Variants in IL36G observed in about 807,000 individuals in gnomAD.
IL36G encodes interleukin-36 gamma.
A neutral mutation model predicts 13.5 loss-of-function variants in IL36G; 10 were observed. The ratio of observed to expected loss-of-function variants is 0.74; its 90% CI spans 0.46 to 1.26. The LOEUF (loss-of-function observed/expected upper bound fraction) is 1.26, where lower values mean the gene tolerates loss of function less well. Ranked by LOEUF, IL36G falls within the 50% of genes most tolerant of loss-of-function variation. IL36G has a pLI of 0.00. For synonymous variants in IL36G, 84 were observed against 74.0 expected (o/e 1.13, Z -0.69); for missense variants, 199 against 203.0 (o/e 0.98, Z 0.12).
intron 1 of IL36G, among the ~76,000 whole-genome samples, chr2:112,978,416 G>T (rs1558816930): frequency 6.6e-6 from 1 of 152,196 alleles, no homozygotes; most frequent in South Asian, 2.1e-4. Context: ...GGATCTCCAG[G>T]TGGAGGAAAA....
Position 112,980,393 on chromosome 2 carries a change from T to C in IL36G, c.300+245T>C, listed in dbSNP as rs548785314. 5.3e-5 allele frequency among the ~76,000 whole-genome samples: 8 copies of C among 152,210 alleles called. No homozygotes were observed. The South Asian group carries it at 1.7e-3, about 32-fold the overall frequency. ...CCAGCTTTATTAAAGATACTTTCCA[T>C]AAACATTCATGGTATTTCAGGCAGG... is the stretch of plus-strand genomic sequence containing the variant. On this transcript the variant is annotated intron_variant, in intron 4 of 4. Transcript: ENST00000259205.
rs756860964 is a variant in IL36G, at chr2:112,978,629, C to A, written c.-10C>A. 6.2e-7 allele frequency: 1 copy of A among 1,613,802 alleles called. No homozygotes were observed. The highest frequency in any genetic ancestry group is 8.5e-7 in the Non-Finnish European group (1 of 1,179,800). On this transcript the variant is annotated 5_prime_UTR_variant, in exon 2 of 5. Transcript: ENST00000259205. Reference sequence around the variant, plus strand: ...ATGTCTGCTTTCACAGGTGCTGAGACAACCACACTATGAGAGGCACTCCAG... The same window carrying A: ...ATGTCTGCTTTCACAGGTGCTGAGAAAACCACACTATGAGAGGCACTCCAG...
At position 112,985,258 on chromosome 2, in the gene IL36G, G is replaced by A; in HGVS notation, c.*209G>A. The A allele has an allele frequency of 1.8e-6, 1 of 547,112 alleles. No homozygotes were observed. Among genetic ancestry groups the A allele is most frequent in the Non-Finnish European group, 3.3e-6 (1 of 305,028 alleles). The allele number at this position is 547,112 out of a possible 1,614,324, so 33.9% of individuals were successfully genotyped here. ...GGCCTCAGAAGCAGGAGAGCTGGGT[G>A]GTATAAGGCTGTCCTCTCAAGCTGG... On this transcript the variant is annotated 3_prime_UTR_variant, in exon 5 of 5. Transcript: ENST00000259205.
rs1684238687 is a variant in IL36G at position 112,980,151 on chromosome 2, G to T, written c.300+3G>T. 6.2e-7 allele frequency: 1 copy of T among 1,608,988 alleles called. No individual in the cohort carries two copies. Among genetic ancestry groups the T allele is most frequent in the African/African-American group, 1.3e-5 (1 of 74,692 alleles). ...AACAGCCCACATTGCAGCTAAAAGT[G>T]AGTAGCTAAGAAAAATATTTAAAAA... is the stretch of plus-strand genomic sequence containing the variant. On this transcript the variant is annotated splice_donor_region_variant and intron_variant, in intron 4 of 4. Coordinates refer to ENST00000259205, the MANE Select transcript of IL36G (RefSeq NM_019618.4).
chr2:112,978,488 C>T, intron 1 of IL36G, 132 bp from the exon 2 acceptor site: 1 of 703,414 alleles, frequency 1.4e-6, no homozygotes. Context: ...TGGCTCAGAA[C>T]TTCTGCCCAG....
chr2:112,984,652 C>G (rs1214151200), intron 4 of IL36G, among the ~76,000 whole-genome samples, 188 bp from the exon 5 acceptor site: 1 of 152,178 alleles, frequency 6.6e-6, no homozygotes, highest in East Asian at 1.9e-4. Context: ...AGGGTGGGGG[C>G]TTGGAAGGTA....
At chr2:112,978,988 T>C (rs1198460557) in intron 2 of IL36G, among the ~76,000 whole-genome samples, 1 of 152,228 alleles carries the variant, frequency 6.6e-6, no homozygotes, top group Non-Finnish European at 1.5e-5. Flanking sequence ...TCTTGATAGT[T>C]TGCCCTCTTA....
In IL36G at chr2:112,985,101, A is replaced by G. The variant is rs768997219; in HGVS notation, c.*52A>G. ...CTTTGTCTTAAAGTTTCTGGTTCCC[A>G]ATGTGTTTTCGTCTACATTTTCTTA... On this transcript the variant is annotated 3_prime_UTR_variant, in exon 5 of 5. Transcript: ENST00000259205. 10 of 1,359,568 alleles carry G rather than the reference A, an allele frequency of 7.4e-6. No homozygotes were observed. Among genetic ancestry groups the G allele is most frequent in the African/African-American group, 1.4e-5 (1 of 69,218 alleles). The allele number at this position is 1,359,568 out of a possible 1,614,324, so 84.2% of individuals were successfully genotyped here. A position where few individuals can be genotyped will look rare whatever the true frequency, so the allele number is the denominator to read the frequency against.
Position 112,985,106 on chromosome 2 carries a change from GTT to G in IL36G, c.*60_*61del. Reference sequence around the variant, plus strand: ...TCTTAAAGTTTCTGGTTCCCAATGTGTTTTCGTCTACATTTTCTTAGTGTCAT... The same window carrying G: ...TCTTAAAGTTTCTGGTTCCCAATGTGTTCGTCTACATTTTCTTAGTGTCAT... On this transcript the variant is annotated 3_prime_UTR_variant, in exon 5 of 5. Coordinates refer to ENST00000259205, the MANE Select transcript of IL36G (RefSeq NM_019618.4). The G allele has an allele frequency of 7.9e-7, 1 of 1,271,984 alleles. No homozygotes were observed. The highest frequency in any genetic ancestry group is 1.1e-6 in the Non-Finnish European group (1 of 892,902). The allele number at this position is 1,271,984 out of a possible 1,614,324, so 78.8% of individuals were successfully genotyped here.
chr2:112,980,235 G>A, intron 4 of IL36G, 87 bp downstream of exon 4: 2 of 1,105,864 alleles, frequency 1.8e-6, no homozygotes, highest in East Asian at 2.5e-5. Flanking sequence ...AAAAGAAATA[G>A]TCTCATCTTC....
chr2:112,979,213 A>C lies in IL36G; in HGVS notation c.56-8A>C, dbSNP rs766122408. On this transcript the variant is annotated splice_region_variant and splice_polypyrimidine_tract_variant and intron_variant, in intron 2 of 4. Coordinates refer to ENST00000259205, the MANE Select transcript of IL36G (RefSeq NM_019618.4). Reference sequence around the variant, plus strand: ...ATTTCTTCATTTTTTTCTCTATCCCAAAATCAGTGTGTAAACCTATTACTG... The same window carrying C: ...ATTTCTTCATTTTTTTCTCTATCCCCAAATCAGTGTGTAAACCTATTACTG... The C allele has an allele frequency of 5.1e-6, 8 of 1,556,550 alleles. No homozygotes were observed. The highest frequency in any genetic ancestry group is 1.7e-4 in the Middle Eastern group (1 of 5,950).
rs1431320276 is a variant in IL36G, at chr2:112,978,617, C to T, written c.-19-3C>T. 1 of 1,612,472 alleles carries T rather than the reference C, an allele frequency of 6.2e-7. No individual in the cohort carries two copies. Among genetic ancestry groups the T allele is most frequent in the African/African-American group, 1.3e-5 (1 of 75,030 alleles). ...TTCATCTGTTCTATGTCTGCTTTCA[C>T]AGGTGCTGAGACAACCACACTATGA... On this transcript the variant is annotated splice_polypyrimidine_tract_variant and splice_region_variant and intron_variant, in intron 1 of 4. Transcript: ENST00000259205.
chr2:112,984,165 G>C (rs1684311531), intron 4 of IL36G, among the ~76,000 whole-genome samples: 2 of 152,214 alleles, frequency 1.3e-5, no homozygotes, highest in South Asian at 4.1e-4. Context: ...CTGAATTACA[G>C]ATCATTTCTG....
rs1341666528 is a variant in IL36G at position 112,984,898 on chromosome 2, A to G, written c.359A>G (p.Tyr120Cys). The G allele has an allele frequency of 6.2e-7, 1 of 1,614,062 alleles. No individual in the cohort carries two copies. The highest frequency in any genetic ancestry group is 1.7e-5 in the Admixed American group (1 of 60,006). Residue 120 changes from tyrosine (Y) to cysteine (C), a missense_variant, in exon 5 of 5, where the codon TAC (tyrosine) becomes TGC (cysteine). Coordinates refer to ENST00000259205, the MANE Select transcript of IL36G (RefSeq NM_019618.4). ...QPEPVKPFLF[Y>C]RAKTGRTSTL... ...GAGCCCGTGAAACCCTTCCTTTTCT[A>G]CCGTGCCAAGACTGGTAGGACCTCC...
chr2:112,981,136 T>C lies in IL36G; in HGVS notation c.300+988T>C. The C allele has an allele frequency of 5.0e-6, 5 of 997,024 alleles. No individual in the cohort carries two copies. In the East Asian group the frequency reaches 1.2e-4, roughly 24 times the overall value. 61.8% of individuals were successfully genotyped at this position (997,024 alleles called of 1,614,324 possible). ...TTTCAAACTGTACAGTCACCAGAAG[T>C]ACACAGTTATCAAAAATGCACACAC... On this transcript the variant is annotated intron_variant, in intron 4 of 4. Transcript: ENST00000259205.
intron 4 of IL36G, 46 bp from the exon 5 acceptor site, chr2:112,984,794 A>C (rs779385240): frequency 1.4e-6 from 2 of 1,480,984 alleles, no homozygotes; most frequent in African/African-American, 2.8e-5. Flanking sequence ...TGAATATCTC[A>C]AACAGCTTCT....
Position 112,979,237 on chromosome 2 carries a change from T to C in IL36G, c.72T>C (p.Thr24=). 1.2e-6 allele frequency: 2 copies of C among 1,606,432 alleles called. No individual in the cohort carries two copies. Among genetic ancestry groups the C allele is most frequent in the South Asian group, 1.1e-5 (1 of 90,914 alleles). The change falls in exon 3 of 5, where the codon ACT becomes ACC. Residue 24 remains threonine (T), a synonymous_variant. Coordinates refer to ENST00000259205, the MANE Select transcript of IL36G (RefSeq NM_019618.4). ...AVYQSMCKPI[T]GTINDLNQQV... ...CAAAATCAGTGTGTAAACCTATTAC[T>C]GGGACTATTAATGATTTGAATCAGC... is the stretch of plus-strand genomic sequence containing the variant.
At chr2:112,979,021 C>A (rs914667332) in intron 2 of IL36G, among the ~76,000 whole-genome samples, 200 bp from the exon 3 acceptor site, 1 of 152,202 alleles carries the variant, frequency 6.6e-6, no homozygotes, top group Non-Finnish European at 1.5e-5. Context: ...CCCTTGGTAG[C>A]CCTTGCCTTC....
rs1447239663 is a variant in IL36G, at chr2:112,985,589, G to A, written c.*540G>A. The A allele has an allele frequency of 6.6e-6, 1 of 152,580 alleles. No individual in the cohort carries two copies. The highest frequency in any genetic ancestry group is 1.5e-5 in the Non-Finnish European group (1 of 68,328). 9.5% of individuals were successfully genotyped at this position (152,580 alleles called of 1,614,324 possible). ...AAATCATTTTTGTCCTAATTGTAAT[G>A]TGTAATCTTAAAGTTAAATAAACTT... is the stretch of plus-strand genomic sequence containing the variant. On this transcript the variant is annotated 3_prime_UTR_variant, in exon 5 of 5. Coordinates refer to ENST00000259205, the MANE Select transcript of IL36G (RefSeq NM_019618.4).
Sources: gnomAD v4.1 joint callset for allele counts (sites outside exome capture counted in the v4.1 genomes callset) on GRCh38, gnomAD v4.1.1 for gene constraint, MANE v1.5 for transcripts, NCBI Gene and HGNC (gene_info 2026-07-23, HGNC 2026-07-21) for gene names.